PROM1: variants seen among roughly 807,000 people sequenced by gnomAD.
PROM1 encodes prominin 1, also known as prominin-1.
A neutral mutation model predicts 116.9 loss-of-function variants in PROM1; 105 were observed. That is an observed-to-expected ratio of 0.90 (90% confidence interval 0.77 to 1.06). The LOEUF (loss-of-function observed/expected upper bound fraction) is 1.06, where lower values mean the gene tolerates loss of function less well. PROM1 is among the 50% of genes least tolerant of loss of function. The probability of loss-of-function intolerance (pLI) is 0.00; values close to 1 mark genes in which losing one functional copy is unlikely to be tolerated. For missense variants in PROM1, 1,122 were observed against 1,045.2 expected (o/e 1.07, Z -1.01); for synonymous variants, 393 against 387.0 (o/e 1.02, Z -0.18).
At chr4:16,080,707 T>G (rs1282888001) in intron 1 of PROM1, 1 of 152,220 alleles carries the variant, frequency 6.6e-6, no homozygotes. Context: ...GTTTGTGAGC[T>G]GGGTGGGAGG....
chr4:16,003,226 C>T (rs1056147742), intron 13 of PROM1: 1 of 452,330 alleles, frequency 2.2e-6, no homozygotes, highest in Non-Finnish European at 4.5e-6. Context: ...TGTCATAACT[C>T]ACTTGGCCAC....
At chr4:15,982,173 T>C (rs1394035326) in intron 23 of PROM1, among the ~76,000 whole-genome samples, 1 of 152,186 alleles carries the variant, frequency 6.6e-6, no homozygotes, top group African/African-American at 2.4e-5. Context: ...ATCCCTGCCT[T>C]AGAATAATGC....
At chr4:15,986,954 C>G (rs898670269) in intron 20 of PROM1, among the ~76,000 whole-genome samples, 16 of 152,218 alleles carry the variant, frequency 1.1e-4, no homozygotes, top group African/African-American at 3.4e-4. Flanking sequence ...ATGAATACAA[C>G]CCAGCCTTGC....
chr4:15,976,164 C>A (rs1217092464), intron 26 of PROM1: 1 of 455,560 alleles, frequency 2.2e-6, no homozygotes, highest in Non-Finnish European at 4.4e-6. Context: ...TTTAATAGAA[C>A]AATGGCATTT....
chr4:16,052,559 C>T (rs1012009450), intron 2 of PROM1, among the ~76,000 whole-genome samples: 1 of 150,860 alleles, frequency 6.6e-6, no homozygotes, highest in African/African-American at 2.4e-5. Flanking sequence ...TCACTGCAGC[C>T]TTAACCTCCC....
At position 16,075,887 on chromosome 4, in the gene PROM1, G is replaced by C; in HGVS notation, c.20C>G (p.Ser7Cys). 1.9e-6 allele frequency: 3 copies of C among 1,612,590 alleles called. No individual in the cohort carries two copies. Among genetic ancestry groups the C allele is most frequent in the Non-Finnish European group, 2.5e-6 (3 of 1,179,182 alleles). MALVLG[S>C]LLLLGLCGNS... Reference sequence around the variant, plus strand: ...CCCGCACAGCCCCAGCAGCAACAGGGAGCCGAGTACGAGGGCCATAGCTAG... The same window carrying C: ...CCCGCACAGCCCCAGCAGCAACAGGCAGCCGAGTACGAGGGCCATAGCTAG... Residue 7 changes from serine (S) to cysteine (C), a missense_variant, in exon 2 of 28, where the codon TCC becomes TGC. By Grantham distance (112) the Ser-to-Cys change is moderately radical. Transcript: ENST00000447510.
chr4:16,069,885 T>G (rs1173721608), intron 2 of PROM1, among the ~76,000 whole-genome samples: 1 of 152,130 alleles, frequency 6.6e-6, no homozygotes, highest in African/African-American at 2.4e-5. Context: ...AAAACACAAC[T>G]GAGGTACAGG....
In PROM1 at chr4:15,998,370, T is replaced by C. The variant is rs1431058325; in HGVS notation, c.1682+15A>G. On this transcript the variant is annotated intron_variant, in intron 15 of 27. Coordinates refer to ENST00000447510, the MANE Select transcript of PROM1 (RefSeq NM_006017.3). Reference sequence around the variant, plus strand: ...ACATCTTAAATAGCGAAATGTATAATGCAAATATTGATACCTGTAAACTTG... The same window carrying C: ...ACATCTTAAATAGCGAAATGTATAACGCAAATATTGATACCTGTAAACTTG... The C allele has an allele frequency of 5.7e-6, 9 of 1,574,832 alleles. No individual in the cohort carries two copies.
chr4:15,982,871 C>T (rs1718328808), intron 23 of PROM1, among the ~76,000 whole-genome samples: 1 of 152,170 alleles, frequency 6.6e-6, no homozygotes, highest in African/African-American at 2.4e-5. Flanking sequence ...GAGGCAGAAT[C>T]CTTTTCACTC....
At chr4:16,072,835 C>T (rs990389726) in intron 2 of PROM1, among the ~76,000 whole-genome samples, 2 of 152,082 alleles carry the variant, frequency 1.3e-5, no homozygotes, top group Admixed American at 1.3e-4. Context: ...CTTTGCAGAC[C>T]CTGTGTTTTG....
At chr4:16,075,556 G>A in intron 2 of PROM1, 131 bp downstream of exon 2, 2 of 882,170 alleles carry the variant, frequency 2.3e-6, no homozygotes, top group Non-Finnish European at 3.3e-6. Context: ...CTGTCTAAAT[G>A]CTTTCTGCTT....
Position 15,993,967 on chromosome 4 carries a change from C to A in PROM1, c.1767+20G>T, listed in dbSNP as rs766067065. On this transcript the variant is annotated intron_variant, in intron 16 of 27. Coordinates refer to ENST00000447510, the MANE Select transcript of PROM1 (RefSeq NM_006017.3). ...GGTGAAGGAATGTGTTATGTCGATT[C>A]CATGACGAGTTCTAATTACCTCATT... is the stretch of plus-strand genomic sequence containing the variant. 3 of 1,608,892 alleles carry A rather than the reference C, an allele frequency of 1.9e-6. No homozygotes were observed. The highest frequency in any genetic ancestry group is 1.1e-5 in the South Asian group (1 of 90,276).
intron 8 of PROM1, among the ~76,000 whole-genome samples, chr4:16,021,001 A>T (rs1729711857): frequency 6.6e-6 from 1 of 151,558 alleles, no homozygotes; most frequent in Non-Finnish European, 1.5e-5. Context: ...ATAGGTCCTG[A>T]TCTGCAGTCC....
At chr4:16,068,670 T>A (rs1742096806) in intron 2 of PROM1, among the ~76,000 whole-genome samples, 1 of 152,174 alleles carries the variant, frequency 6.6e-6, no homozygotes, top group South Asian at 2.1e-4. Context: ...GAATTGCAAA[T>A]ATAGCCAATT....
chr4:16,004,864 T>TTC (rs1724892821), intron 13 of PROM1, among the ~76,000 whole-genome samples: 3 of 121,172 alleles, frequency 2.5e-5, no homozygotes, highest in South Asian at 5.4e-4. Context: ...TTCCTTCCTC[T>TTC]CTCTCTCCCT....
chr4:16,059,506 C>A (rs1461201048), intron 2 of PROM1, among the ~76,000 whole-genome samples: 1 of 152,138 alleles, frequency 6.6e-6, no homozygotes, highest in Non-Finnish European at 1.5e-5. Flanking sequence ...GAGTTCGAGA[C>A]CAGCCTGGGC....
At chr4:16,062,720 C>T (rs943211874) in intron 2 of PROM1, among the ~76,000 whole-genome samples, 1 of 152,212 alleles carries the variant, frequency 6.6e-6, no homozygotes, top group South Asian at 2.1e-4. Context: ...TTTGAAACTT[C>T]TAACAATTAA....
At chr4:15,975,430 A>T (rs983903976) in intron 26 of PROM1, among the ~76,000 whole-genome samples, 1 of 152,142 alleles carries the variant, frequency 6.6e-6, no homozygotes, top group African/African-American at 2.4e-5. Flanking sequence ...CATGTTGGCC[A>T]GGCTGGTCTC....
At position 16,000,514 on chromosome 4, in the gene PROM1, C is replaced by T. The variant is rs775841074; in HGVS notation, c.1560G>A (p.Thr520=). 1.1e-5 allele frequency: 18 copies of T among 1,592,834 alleles called. No homozygotes were observed. The highest frequency in any genetic ancestry group is 8.9e-5 in the East Asian group (4 of 44,740). ...NVEKLICEPY[T]SKELFRVLDT... Reference sequence around the variant, plus strand: ...TATTTACCCGGAATAATTCCTTGCTCGTGTAAGGTTCACAGATCAGTTTTT... The same window carrying T: ...TATTTACCCGGAATAATTCCTTGCTTGTGTAAGGTTCACAGATCAGTTTTT... Residue 520 remains threonine, a synonymous_variant, in exon 14 of 28, where the codon ACG becomes ACA. Coordinates refer to ENST00000447510, the MANE Select transcript of PROM1 (RefSeq NM_006017.3).
Sources: allele counts gnomAD v4.1 joint callset (sites outside exome capture counted in the v4.1 genomes callset), GRCh38; gene constraint gnomAD v4.1.1; transcripts MANE v1.5; gene names NCBI Gene and HGNC (gene_info 2026-07-23, HGNC 2026-07-21).